UTS2: variants seen among roughly 807,000 people sequenced by gnomAD.
UTS2 encodes the protein urotensin 2, also known as urotensin-2.
Under a neutral mutation model 12.6 loss-of-function variants are expected in UTS2, and 10 were observed. The ratio of observed to expected loss-of-function variants is 0.80; its 90% confidence interval spans 0.49 to 1.35. UTS2 has a LOEUF of 1.35. UTS2 is among the 40% of genes most tolerant of loss of function. UTS2 has a pLI of 0.00. For synonymous variants in UTS2, 52 were observed against 50.0 expected, an observed-to-expected ratio of 1.04 and a Z score of -0.17; for missense variants, 142 against 143.2, an observed-to-expected ratio of 0.99 and a Z score of 0.04.
the UTS2 span, among the ~76,000 whole-genome samples, chr1:7,860,266 G>A: frequency 7.3e-3 from 1,112 of 152,160 alleles, 13 homozygotes; most frequent in African/African-American, 0.026. Flanking sequence ...GAGGGTCAGC[G>A]TAGGCTTGCA....
At chr1:7,864,158 A>G in the UTS2 span, among the ~76,000 whole-genome samples, 1 of 152,168 alleles carries the variant, frequency 6.6e-6, no homozygotes, top group African/African-American at 2.4e-5. Context: ...CAGCTCCAAC[A>G]ATGTAAAGTT....
At chr1:7,863,133 CGA>C in the UTS2 span, among the ~76,000 whole-genome samples, 1 of 135,632 alleles carries the variant, frequency 7.4e-6, no homozygotes, top group South Asian at 2.3e-4. Context: ...GTATTTGAGA[CGA>C]AGTTTTGCTC....
the UTS2 span, among the ~76,000 whole-genome samples, chr1:7,860,931 A>G: frequency 6.6e-6 from 1 of 151,342 alleles, no homozygotes; most frequent in Admixed American, 6.6e-5. Flanking sequence ...AATTCCAGCT[A>G]CTCGGGAGGC....
At chr1:7,898,633 G>A in the UTS2 span, among the ~76,000 whole-genome samples, 13 of 151,948 alleles carry the variant, frequency 8.6e-5, no homozygotes, top group African/African-American at 2.7e-4. Flanking sequence ...CTGCCACTAC[G>A]CCCGGCTAAT....
the UTS2 span, among the ~76,000 whole-genome samples, chr1:7,885,802 G>T: frequency 1.3e-5 from 2 of 150,896 alleles, no homozygotes; most frequent in Admixed American, 1.3e-4. Context: ...ACGATGTGGG[G>T]CAGAGCCAGG....
At chr1:7,868,530 G>A in the UTS2 span, among the ~76,000 whole-genome samples, 2 of 152,178 alleles carry the variant, frequency 1.3e-5, no homozygotes, top group African/African-American at 2.4e-5. Context: ...TGGGGGCAAT[G>A]AGGACCCAGC....
chr1:7,878,940 G>C, the UTS2 span, among the ~76,000 whole-genome samples: 24 of 152,138 alleles, frequency 1.6e-4, no homozygotes, highest in African/African-American at 5.1e-4. Flanking sequence ...TAATGATAAA[G>C]GGATCAATTC....
At chr1:7,869,237 G>T in the UTS2 span, among the ~76,000 whole-genome samples, 1 of 152,302 alleles carries the variant, frequency 6.6e-6, no homozygotes, top group East Asian at 1.9e-4. Context: ...CAGGACTGTT[G>T]GTTCCTTTCA....
chr1:7,893,429 T>C, the UTS2 span, among the ~76,000 whole-genome samples: 11 of 152,068 alleles, frequency 7.2e-5, no homozygotes, highest in Admixed American at 1.3e-4. Context: ...TGATCCCACG[T>C]TGCAGTGAAC....
At chr1:7,892,338 G>C in the UTS2 span, among the ~76,000 whole-genome samples, 1 of 152,030 alleles carries the variant, frequency 6.6e-6, no homozygotes, top group Non-Finnish European at 1.5e-5. Flanking sequence ...GAGCATCAGT[G>C]TTCTTGCCTT....
chr1:7,850,324 G>T (rs2097412699), intron 2 of UTS2, among the ~76,000 whole-genome samples: 1 of 152,016 alleles, frequency 6.6e-6, no homozygotes, highest in Admixed American at 6.6e-5. Flanking sequence ...ATGCTTGGGG[G>T]AATGTGGCCA....
Position 7,852,996 on chromosome 1 carries a change from T to G in UTS2, c.8A>C (p.Lys3Thr). 1 of 1,611,990 alleles carries G rather than the reference T, an allele frequency of 6.2e-7. No individual in the cohort carries two copies. The highest frequency in any genetic ancestry group is 1.7e-5 in the Admixed American group (1 of 59,584). The stretch of plus-strand genomic sequence containing the variant: ...GAAAAGCAAACAGCAGGAGGCCAGC[T>G]TATACATGATCGCCACAAGATAGAC... Reference protein sequence around the residue: MYKLASCCLLFIG... With the variant: MYTLASCCLLFIG... The change falls in exon 1 of 4, where the codon AAG becomes ACG. Residue 3 changes from lysine to threonine, a missense_variant. Transcript: ENST00000361696.
the UTS2 span, among the ~76,000 whole-genome samples, chr1:7,881,012 C>T: frequency 4.6e-5 from 7 of 151,422 alleles, no homozygotes; most frequent in African/African-American, 1.5e-4. Context: ...AATGTGATAC[C>T]TCACATGAAC....
chr1:7,887,342 G>T, the UTS2 span, among the ~76,000 whole-genome samples: 1 of 152,228 alleles, frequency 6.6e-6, no homozygotes, highest in African/African-American at 2.4e-5. Flanking sequence ...AGCCAGAGGA[G>T]CCCCTCCATT....
chr1:7,863,040 ATTGTATTGTATT>A, the UTS2 span, among the ~76,000 whole-genome samples: 11 of 36,556 alleles, frequency 3.0e-4, no homozygotes, highest in Non-Finnish European at 6.8e-4. Context: ...ATTGTATTGT[ATTGTATTGTATT>A]GTATTGTATT....
chr1:7,853,272 G>C, upstream of UTS2: 1 of 1,613,120 alleles, frequency 6.2e-7, no homozygotes, highest in Non-Finnish European at 8.5e-7. Context: ...ATAAAGAACA[G>C]TGAGTTTATA....
chr1:7,881,402 C>G, the UTS2 span, among the ~76,000 whole-genome samples: 2 of 152,008 alleles, frequency 1.3e-5, no homozygotes, highest in African/African-American at 4.8e-5. Context: ...AAAGACTTCA[C>G]CAAAAAATCT....
At chr1:7,857,740 C>G (rs990141579), upstream of UTS2, among the ~76,000 whole-genome samples, 1 of 150,324 alleles carries the variant, frequency 6.7e-6, no homozygotes, top group African/African-American at 2.5e-5. Context: ...GTCTGGGCCA[C>G]TTGGGAGGCT....
At chr1:7,876,545 G>A in the UTS2 span, among the ~76,000 whole-genome samples, 363 of 152,132 alleles carry the variant, frequency 2.4e-3, 11 homozygotes, top group East Asian at 0.045. Context: ...GCTGGCACCC[G>A]CAAAAGTCAC....
Sources: gnomAD v4.1 joint callset for allele counts (sites outside exome capture counted in the v4.1 genomes callset) on GRCh38, gnomAD v4.1.1 for gene constraint, MANE v1.5 for transcripts, NCBI Gene and HGNC (gene_info 2026-07-23, HGNC 2026-07-21) for gene names.